Variants in ATL2 observed in about 807,000 individuals in gnomAD.
ATL2 encodes atlastin GTPase 2.
A neutral mutation model predicts 73.9 loss-of-function variants in ATL2; 31 were observed. The observed-to-expected ratio is 0.42, with a 90% confidence interval of 0.32 to 0.57. The LOEUF is 0.57. Ranked by LOEUF, ATL2 falls within the 20% of genes least tolerant of loss-of-function variation. The probability of loss-of-function intolerance (pLI) is 0.14; values close to 1 mark genes in which losing one functional copy is unlikely to be tolerated. For synonymous variants in ATL2, 291 were observed against 237.5 expected, an observed-to-expected ratio of 1.23 and a Z score of -2.07; for missense variants, 738 against 702.6, an observed-to-expected ratio of 1.05 and a Z score of -0.57.
intron 2 of ATL2, 23 bp downstream of exon 2, chr2:38,343,245 G>A (rs971710848): frequency 6.5e-7 from 1 of 1,527,834 alleles, no homozygotes; most frequent in South Asian, 1.3e-5. Context: ...TTTTAATTGG[G>A]TTCAATTTAA....
chr2:38,296,556 C>A (rs757629372), intron 12 of ATL2: 4 of 1,613,880 alleles, frequency 2.5e-6, no homozygotes, highest in African/African-American at 2.7e-5. Context: ...GTGAACCATT[C>A]GACGTCTAGT....
At chr2:38,376,765 G>T (rs1329475207) in intron 1 of ATL2, among the ~76,000 whole-genome samples, 1 of 151,914 alleles carries the variant, frequency 6.6e-6, no homozygotes, top group African/African-American at 2.4e-5. Context: ...TCGCCGGACG[G>T]AGCGGAGCCG....
rs1197289638 is a variant in ATL2 at position 38,294,414 on chromosome 2, G to T, written c.*1580C>A. On this transcript the variant is annotated 3_prime_UTR_variant, in exon 13 of 13. Coordinates refer to ENST00000378954, the MANE Select transcript of ATL2 (RefSeq NM_001135673.4). ...ATAGAAAACATTAGCCGGGAATGGT[G>T]GCACGCACCTGTAGTCCCAGCTACT... is the stretch of plus-strand genomic sequence containing the variant. 6.6e-6 allele frequency among the ~76,000 whole-genome samples: 1 copy of T among 152,192 alleles called. No individual in the cohort carries two copies. The highest frequency in any genetic ancestry group is 2.4e-5 in the African/African-American group (1 of 41,444).
intron 1 of ATL2, among the ~76,000 whole-genome samples, chr2:38,368,749 AAAAG>A (rs775399669): frequency 1.6e-4 from 24 of 152,356 alleles, no homozygotes; most frequent in Admixed American, 5.9e-4. Context: ...ACAAAACAAT[AAAAG>A]AAATACTGGG....
At chr2:38,320,690 A>C (rs372039524) in intron 2 of ATL2, among the ~76,000 whole-genome samples, 1 of 152,178 alleles carries the variant, frequency 6.6e-6, no homozygotes, top group African/African-American at 2.4e-5. Flanking sequence ...CCACAGGAAA[A>C]ACGCCTTTGT....
At chr2:38,350,508 A>G (rs1177414659) in intron 1 of ATL2, among the ~76,000 whole-genome samples, 1 of 152,234 alleles carries the variant, frequency 6.6e-6, no homozygotes, top group Non-Finnish European at 1.5e-5. Flanking sequence ...ACTATTCTCT[A>G]TAATACGAAA....
intron 1 of ATL2, chr2:38,359,608 C>G (rs1385772155): frequency 6.6e-6 from 1 of 152,104 alleles, no homozygotes; most frequent in Non-Finnish European, 1.5e-5. Context: ...TTGAAATGTA[C>G]CCCGTTTCCA....
At chr2:38,374,431 A>G (rs1671851840) in intron 1 of ATL2, among the ~76,000 whole-genome samples, 1 of 152,262 alleles carries the variant, frequency 6.6e-6, no homozygotes, top group Non-Finnish European at 1.5e-5. Flanking sequence ...GAATACCATT[A>G]CACGTTAAAA....
At position 38,357,514 on chromosome 2, in the gene ATL2, C is replaced by T. The variant is rs557173561; in HGVS notation, c.119-14002G>A. ...ACTAAAAATACAAAAATTAGCTGGG[C>T]GTGGTGGCACACCTGTAGTCCCAGC... On this transcript the variant is annotated intron_variant, in intron 1 of 12. Transcript: ENST00000378954. 4.0e-5 allele frequency among the ~76,000 whole-genome samples: 6 copies of T among 150,874 alleles called. No individual in the cohort carries two copies. In the East Asian group the frequency reaches 7.8e-4, roughly 20 times the overall value.
rs186965552 is a variant in ATL2, at chr2:38,344,483, G to A, written c.119-971C>T. Among the ~76,000 whole-genome samples, 524 of 152,172 alleles carry A rather than the reference G, an allele frequency of 3.4e-3. 5 individuals are homozygous for A. The highest frequency in any genetic ancestry group is 1.4e-3 in the East Asian group (7 of 5,176). ...AAATTAGCTGGGCATGGTAGCGGGC[G>A]CCTGTAGTCCCAGCTACTTGGGAGG... On this transcript the variant is annotated intron_variant, in intron 1 of 12. Transcript: ENST00000378954.
At chr2:38,300,143 C>A in intron 10 of ATL2, 129 bp downstream of exon 10, 1 of 759,534 alleles carries the variant, frequency 1.3e-6, no homozygotes. Flanking sequence ...ACACATACGG[C>A]CTTAAGCAAA....
chr2:38,296,763 T>C lies in ATL2; in HGVS notation c.1633-650A>G, dbSNP rs1666918057. ...ACAAGGTTTGTTGACACAGCACAGA[T>C]CTCTGACTAGCTGATTACCTTACCT... On this transcript the variant is annotated intron_variant, in intron 12 of 12. Coordinates refer to ENST00000378954, the MANE Select transcript of ATL2 (RefSeq NM_001135673.4). 7 of 1,549,620 alleles carry C rather than the reference T, an allele frequency of 4.5e-6. No individual in the cohort carries two copies. The South Asian group carries it at 8.3e-5, about 18-fold the overall frequency.
At chr2:38,369,210 G>A (rs1014563476) in intron 1 of ATL2, among the ~76,000 whole-genome samples, 6 of 152,116 alleles carry the variant, frequency 3.9e-5, no homozygotes, top group Admixed American at 1.3e-4. Context: ...AGCACTTTGG[G>A]AGGCCAAGGT....
chr2:38,311,592 G>A (rs1057017051), intron 7 of ATL2, among the ~76,000 whole-genome samples: 6 of 152,092 alleles, frequency 3.9e-5, no homozygotes, highest in African/African-American at 1.4e-4. Context: ...GGTAAAAAAA[G>A]CTAGACTCAA....
intron 9 of ATL2, among the ~76,000 whole-genome samples, chr2:38,307,231 G>A (rs1667498034): frequency 6.6e-6 from 1 of 152,122 alleles, no homozygotes; most frequent in African/African-American, 2.4e-5. Context: ...GGTGGCAGCT[G>A]CCTGTAATCC....
intron 1 of ATL2, among the ~76,000 whole-genome samples, chr2:38,374,232 T>C (rs1232018330): frequency 1.3e-5 from 2 of 152,232 alleles, no homozygotes; most frequent in Admixed American, 6.5e-5. Context: ...CCCTCGAGTG[T>C]TGTGTATCAT....
intron 2 of ATL2, among the ~76,000 whole-genome samples, chr2:38,326,093 T>G (rs545760373): frequency 3.7e-4 from 56 of 151,972 alleles, no homozygotes; most frequent in African/African-American, 1.3e-3. Flanking sequence ...AAAATAAAAC[T>G]AAGATTTAAC....
intron 1 of ATL2, among the ~76,000 whole-genome samples, chr2:38,369,816 CAG>C (rs1671562006): frequency 6.6e-6 from 1 of 152,024 alleles, no homozygotes; most frequent in Non-Finnish European, 1.5e-5. Context: ...ATTCTAAGAA[CAG>C]GGGTGTTTTC....
At position 38,298,140 on chromosome 2, in the gene ATL2, C is replaced by G; in HGVS notation, c.1632+4G>C. On this transcript the variant is annotated splice_donor_region_variant and intron_variant, in intron 12 of 12. Transcript: ENST00000378954. The stretch of plus-strand genomic sequence containing the variant: ...CACTAAAAAACCAAAAGATAGATAC[C>G]AACCTGTTCCCATAGTGTTTCAGCA... The G allele has an allele frequency of 1.2e-6, 2 of 1,602,032 alleles. No homozygotes were observed. Among genetic ancestry groups the G allele is most frequent in the Non-Finnish European group, 1.7e-6 (2 of 1,173,792 alleles).
Sources: allele counts gnomAD v4.1 joint callset (sites outside exome capture counted in the v4.1 genomes callset), GRCh38; gene constraint gnomAD v4.1.1; transcripts MANE v1.5; gene names NCBI Gene and HGNC (gene_info 2026-07-23, HGNC 2026-07-21).